The following NLGN4X variants were observed in gnomAD, a reference collection of about 807,000 sequenced individuals.
NLGN4X encodes the protein neuroligin-4, X-linked.
NLGN4X carries 3 observed loss-of-function variants against 40.3 expected under a neutral mutation model. The ratio of observed to expected loss-of-function variants is 0.07; its 90% CI spans 0.03 to 0.19. NLGN4X has a LOEUF of 0.19. Ranked by LOEUF, NLGN4X falls within the 10% of genes least tolerant of loss-of-function variation. The pLI is 1.00. For synonymous variants in NLGN4X, 270 were observed against 306.8 expected (o/e 0.88, Z 1.25); for missense variants, 382 against 708.3 (o/e 0.54, Z 5.23).
chrX:5,946,302 A>C (rs1168093070), intron 3 of NLGN4X, among the ~76,000 whole-genome samples: 2 of 111,858 alleles, frequency 1.8e-5, no homozygotes, highest in African/African-American at 3.2e-5. Context: ...ATACTTGAGG[A>C]CGGAAAACAA....
intron 2 of NLGN4X, among the ~76,000 whole-genome samples, chrX:6,064,141 C>A (rs1379742683): frequency 9.0e-6 from 1 of 111,514 alleles, no homozygotes; most frequent in Non-Finnish European, 1.9e-5. Context: ...TCCCTTCTGC[C>A]CCATTCTGTG....
At chrX:6,194,452 G>A (rs1035272486) in intron 1 of NLGN4X, among the ~76,000 whole-genome samples, 1 of 111,108 alleles carries the variant, frequency 9.0e-6, no homozygotes, top group African/African-American at 3.3e-5. Flanking sequence ...AGAGTACCAC[G>A]TGGCCTTTCA....
At chrX:5,936,252 G>A (rs1336126810) in intron 3 of NLGN4X, among the ~76,000 whole-genome samples, 2 of 111,664 alleles carry the variant, frequency 1.8e-5, no homozygotes, top group East Asian at 5.6e-4. Flanking sequence ...AACAACGGGA[G>A]TGATTACTAA....
intron 3 of NLGN4X, among the ~76,000 whole-genome samples, chrX:5,998,724 A>G (rs183018930): frequency 0.058 from 6,464 of 112,314 alleles, 441 homozygotes; most frequent in African/African-American, 0.19. Flanking sequence ...GGGGAAAAAA[A>G]AGAGGAAAAA....
At chrX:6,091,167 C>T (rs6639594) in intron 2 of NLGN4X, among the ~76,000 whole-genome samples, 51,894 of 108,733 alleles carry the variant, frequency 0.48, 9,218 homozygotes, top group Admixed American at 0.52. Flanking sequence ...GCTGGCATGA[C>T]TGATGGTCTG....
chrX:6,056,519 C>T (rs367811536), intron 2 of NLGN4X, among the ~76,000 whole-genome samples: 6 of 110,948 alleles, frequency 5.4e-5, no homozygotes, highest in African/African-American at 2.0e-4. Context: ...CGTGTAAGTG[C>T]CCTTTTGTTT....
chrX:5,914,398 T>A (rs960753819), intron 3 of NLGN4X, among the ~76,000 whole-genome samples: 1 of 111,283 alleles, frequency 9.0e-6, no homozygotes, highest in African/African-American at 3.3e-5. Flanking sequence ...GGGTCAGATA[T>A]TGTTTTTCTT....
At chrX:6,177,305 T>G (rs1920972276) in intron 1 of NLGN4X, among the ~76,000 whole-genome samples, 1 of 111,137 alleles carries the variant, frequency 9.0e-6, no homozygotes, top group Admixed American at 9.6e-5. Flanking sequence ...ATTACAGGCG[T>G]GCACCACCAT....
chrX:5,905,427 A>G (rs1195650739), intron 4 of NLGN4X, among the ~76,000 whole-genome samples: 1 of 112,068 alleles, frequency 8.9e-6, no homozygotes, highest in Non-Finnish European at 1.9e-5. Context: ...GCTGAGCCCA[A>G]TATTTATATA....
chrX:6,168,174 G>A (rs745308077), intron 1 of NLGN4X, among the ~76,000 whole-genome samples: 3 of 111,758 alleles, frequency 2.7e-5, no homozygotes, highest in Non-Finnish European at 5.6e-5. Context: ...CCCTTAACAA[G>A]CCTGTGTTTC....
intron 3 of NLGN4X, among the ~76,000 whole-genome samples, chrX:5,998,239 G>A (rs950984975): frequency 5.5e-5 from 6 of 109,259 alleles, no homozygotes; most frequent in Admixed American, 9.9e-5. Flanking sequence ...GTGAAACCTC[G>A]TCTCTACTAA....
At chrX:6,157,894 C>T (rs970608512) in intron 1 of NLGN4X, among the ~76,000 whole-genome samples, 60 of 111,109 alleles carry the variant, frequency 5.4e-4, no homozygotes, top group Middle Eastern at 4.7e-3. Flanking sequence ...GGTAAGGGTA[C>T]GTAATGGGGT....
At chrX:6,148,279 AG>A (rs2040093497) in intron 2 of NLGN4X, among the ~76,000 whole-genome samples, 1 of 111,926 alleles carries the variant, frequency 8.9e-6, no homozygotes, top group African/African-American at 3.2e-5. Context: ...GTTATTGTTT[AG>A]ATTTGTCTTT....
chrX:6,186,282 T>G (rs1451946464), intron 1 of NLGN4X, among the ~76,000 whole-genome samples: 1 of 111,789 alleles, frequency 8.9e-6, no homozygotes, highest in East Asian at 2.8e-4. Context: ...TATGAAAATG[T>G]AAATTTAAGT....
intron 2 of NLGN4X, among the ~76,000 whole-genome samples, chrX:6,111,805 G>A (rs910875346): frequency 3.6e-5 from 4 of 111,428 alleles, no homozygotes; most frequent in Non-Finnish European, 7.5e-5. Flanking sequence ...AAGGTATTTT[G>A]TTATAGCAGC....
chrX:6,210,264 GTGTGTGTGTGTA>G (rs745897512), intron 1 of NLGN4X, among the ~76,000 whole-genome samples: 2,853 of 102,444 alleles, frequency 0.028, 86 homozygotes, highest in African/African-American at 0.097. Context: ...GTGTGTGTGT[GTGTGTGTGTGTA>G]TGTATGTAAT....
chrX:6,163,102 C>A (rs966035562), intron 1 of NLGN4X, among the ~76,000 whole-genome samples: 4 of 111,810 alleles, frequency 3.6e-5, no homozygotes, highest in African/African-American at 1.3e-4. Flanking sequence ...GTAAGACATG[C>A]CTTTGTTCTT....
intron 2 of NLGN4X, among the ~76,000 whole-genome samples, chrX:6,045,569 C>T (rs979817004): frequency 9.0e-6 from 1 of 111,344 alleles, no homozygotes; most frequent in Non-Finnish European, 1.9e-5. Context: ...TTTGCTTTGT[C>T]TCATTCACAG....
At chrX:5,929,508 A>G (rs113520560) in intron 3 of NLGN4X, among the ~76,000 whole-genome samples, 5 of 111,381 alleles carry the variant, frequency 4.5e-5, no homozygotes, top group African/African-American at 1.3e-4. Context: ...TATAAAATAT[A>G]TATGTGTATA....
Sources: gnomAD v4.1 joint callset for allele counts (sites outside exome capture counted in the v4.1 genomes callset) on GRCh38, gnomAD v4.1.1 for gene constraint, MANE v1.5 for transcripts, NCBI Gene and HGNC (gene_info 2026-07-23, HGNC 2026-07-21) for gene names.